ULK4: variants seen among roughly 807,000 people sequenced by gnomAD.
ULK4 encodes the protein unc-51 like kinase 4.
In ULK4, 133 loss-of-function variants were observed where a neutral mutation model predicts 160.6. The observed-to-expected ratio is 0.83, with a 90% CI of 0.72 to 0.96. ULK4 has a LOEUF of 0.96. Among genes scored for constraint, ULK4 ranks in the 40% least tolerant of loss-of-function variants. The pLI is 0.00. For missense variants in ULK4, 1,580 were observed against 1,499.5 expected (o/e 1.05, Z -0.89); for synonymous variants, 534 against 539.8 (o/e 0.99, Z 0.15).
At chr3:41,810,424 G>A (rs1165118494) in intron 19 of ULK4, among the ~76,000 whole-genome samples, 1 of 152,134 alleles carries the variant, frequency 6.6e-6, no homozygotes, top group African/African-American at 2.4e-5. Context: ...CCAGGTGGGT[G>A]GGATTTTATT....
chr3:41,591,394 G>A (rs897294946), intron 31 of ULK4, among the ~76,000 whole-genome samples: 13 of 151,036 alleles, frequency 8.6e-5, no homozygotes. Flanking sequence ...GTTGAATAGA[G>A]TCTAAACGGG....
At chr3:41,389,501 TG>T (rs1476481911) in intron 35 of ULK4, among the ~76,000 whole-genome samples, 1 of 152,188 alleles carries the variant, frequency 6.6e-6, no homozygotes, top group Non-Finnish European at 1.5e-5. Context: ...TGATATTGGC[TG>T]TGGGTTTGTC....
At chr3:41,348,610 A>AT (rs2080851666) in intron 35 of ULK4, among the ~76,000 whole-genome samples, 1 of 151,936 alleles carries the variant, frequency 6.6e-6, no homozygotes, top group African/African-American at 2.4e-5. Flanking sequence ...CAAAAGAGAT[A>AT]AATATAACTG....
At chr3:41,306,289 C>T (rs1575416471) in intron 35 of ULK4, among the ~76,000 whole-genome samples, 6 of 126,128 alleles carry the variant, frequency 4.8e-5, no homozygotes, top group African/African-American at 1.9e-4. Context: ...CCCGGCCGCC[C>T]CTACTGGGAA....
At chr3:41,837,776 G>T (rs998069474) in intron 17 of ULK4, among the ~76,000 whole-genome samples, 5 of 152,070 alleles carry the variant, frequency 3.3e-5, no homozygotes, top group African/African-American at 1.2e-4. Context: ...GGCCCGGGTA[G>T]TTTCGAACTC....
intron 34 of ULK4, among the ~76,000 whole-genome samples, chr3:41,455,260 G>A (rs2083518057): frequency 6.6e-6 from 1 of 152,064 alleles, no homozygotes; most frequent in Non-Finnish European, 1.5e-5. Flanking sequence ...CATTTGTTAA[G>A]AAAGTAATTA....
intron 16 of ULK4, among the ~76,000 whole-genome samples, chr3:41,889,497 G>A (rs1190442076): frequency 6.6e-6 from 1 of 152,124 alleles, no homozygotes; most frequent in East Asian, 1.9e-4. Context: ...GAATTTGCAT[G>A]GACACAAAGA....
chr3:41,550,993 T>C (rs1164560960), intron 32 of ULK4, among the ~76,000 whole-genome samples: 2 of 151,832 alleles, frequency 1.3e-5, no homozygotes, highest in Non-Finnish European at 2.9e-5. Flanking sequence ...CTGGAAACTA[T>C]ACAAATACAT....
chr3:41,715,447 C>T lies in ULK4; in HGVS notation c.2577G>A (p.Gln859=). ...CTTTTCCTCCTCAATACAATAGTAC[C>T]TGTGAAGTTACGAGGTGAAGCACTA... is the stretch of plus-strand genomic sequence containing the variant. ...MPVVLHLVTS[Q]VFRPQVVTEE... Residue 859 remains glutamine (Q), a splice_region_variant and synonymous_variant, in exon 24 of 37, where the codon CAG becomes CAA. Coordinates refer to ENST00000301831, the MANE Select transcript of ULK4 (RefSeq NM_017886.4). 6.2e-7 allele frequency: 1 copy of T among 1,614,090 alleles called. No homozygotes were observed. Among genetic ancestry groups the T allele is most frequent in the Non-Finnish European group, 8.5e-7 (1 of 1,180,012 alleles).
intron 17 of ULK4, among the ~76,000 whole-genome samples, chr3:41,847,989 C>G (rs1282273695): frequency 1.3e-5 from 2 of 152,184 alleles, no homozygotes; most frequent in African/African-American, 2.4e-5. Context: ...AATGTCCTTG[C>G]AAGGTTGTCT....
chr3:41,383,740 G>A (rs938096809), intron 35 of ULK4, among the ~76,000 whole-genome samples: 2 of 152,176 alleles, frequency 1.3e-5, no homozygotes, highest in Non-Finnish European at 2.9e-5. Flanking sequence ...TCAAGAGGCT[G>A]CAGAATGCAA....
At chr3:41,400,591 T>C (rs1052069700) in intron 34 of ULK4, among the ~76,000 whole-genome samples, 1 of 152,176 alleles carries the variant, frequency 6.6e-6, no homozygotes, top group African/African-American at 2.4e-5. Flanking sequence ...AAAATGTGAG[T>C]TGTTCCCAAT....
intron 32 of ULK4, among the ~76,000 whole-genome samples, chr3:41,546,484 T>C (rs1162694533): frequency 6.6e-6 from 1 of 152,068 alleles, no homozygotes; most frequent in African/African-American, 2.4e-5. Flanking sequence ...TCATTACCAT[T>C]CATCATCATG....
chr3:41,419,696 C>G (rs539914687), intron 34 of ULK4, among the ~76,000 whole-genome samples: 2 of 152,222 alleles, frequency 1.3e-5, no homozygotes, highest in Non-Finnish European at 1.5e-5. Context: ...TTCAACTTCA[C>G]TGGAGCAAAG....
intron 17 of ULK4, among the ~76,000 whole-genome samples, chr3:41,858,147 G>T (rs528990142): frequency 1.3e-3 from 117 of 92,138 alleles, no homozygotes; most frequent in East Asian, 5.9e-3. Flanking sequence ...TTTTTTGTTT[G>T]TTTTTTTTTT....
At position 41,597,077 on chromosome 3, in the gene ULK4, G is replaced by A. The variant is rs562553687; in HGVS notation, c.3120+18592C>T. On this transcript the variant is annotated intron_variant, in intron 31 of 36. Coordinates refer to ENST00000301831, the MANE Select transcript of ULK4 (RefSeq NM_017886.4). ...AGAGAACAGGCCACCCCTCCTGCAC[G>A]CTCCCCTCTCAGGAGTCATAAGTAA... Among the ~76,000 whole-genome samples the A allele has an allele frequency of 8.0e-4, 122 of 152,216 alleles. No homozygotes were observed. The Middle Eastern group carries it at 0.017, about 21-fold the overall frequency.
intron 34 of ULK4, among the ~76,000 whole-genome samples, chr3:41,400,927 T>C (rs1559572248): frequency 6.6e-6 from 1 of 152,350 alleles, no homozygotes; most frequent in East Asian, 1.9e-4. Context: ...ATTTCCCTAA[T>C]GGCAACTGAT....
chr3:41,303,636 T>C (rs1202082573), intron 35 of ULK4, among the ~76,000 whole-genome samples: 1 of 152,344 alleles, frequency 6.6e-6, no homozygotes, highest in East Asian at 1.9e-4. Context: ...AGGGGTTTCC[T>C]GTGCCAGGGA....
intron 32 of ULK4, among the ~76,000 whole-genome samples, chr3:41,466,574 T>C (rs905193508): frequency 2.0e-5 from 3 of 152,062 alleles, no homozygotes; most frequent in African/African-American, 7.2e-5. Flanking sequence ...TAGGAGAAAA[T>C]GTAAGAGAAG....
Sources: gnomAD v4.1 joint callset for allele counts (sites outside exome capture counted in the v4.1 genomes callset) on GRCh38, gnomAD v4.1.1 for gene constraint, MANE v1.5 for transcripts, NCBI Gene and HGNC (gene_info 2026-07-23, HGNC 2026-07-21) for gene names.